SMAD5: variants seen among roughly 807,000 people sequenced by gnomAD.
SMAD5 encodes the protein MAD, mothers against decapentaplegic homolog 5.
Under a neutral mutation model 43.1 loss-of-function variants are expected in SMAD5, and 9 were observed. The ratio of observed to expected loss-of-function variants is 0.21; its 90% CI spans 0.13 to 0.36. The LOEUF is 0.36. Among genes scored for constraint, SMAD5 ranks in the 10% least tolerant of loss-of-function variants. The pLI, the probability that SMAD5 is intolerant of heterozygous loss-of-function variation, is 1.00. For synonymous variants in SMAD5, 190 were observed against 192.4 expected (o/e 0.99, Z 0.10); for missense variants, 348 against 574.0 (o/e 0.61, Z 4.02).
chr5:136,138,866 G>A (rs1752975366), intron 1 of SMAD5, among the ~76,000 whole-genome samples: 1 of 152,084 alleles, frequency 6.6e-6, no homozygotes, highest in African/African-American at 2.4e-5. Flanking sequence ...TGGTTCTAAG[G>A]AATTTGTTGA....
chr5:136,170,899 C>A (rs1167371542), intron 5 of SMAD5, among the ~76,000 whole-genome samples: 1 of 152,040 alleles, frequency 6.6e-6, no homozygotes, highest in East Asian at 1.9e-4. Context: ...GAGCAATCAA[C>A]TTTTGCTTAT....
At chr5:136,137,275 C>CCCCCG (rs200801344) in intron 1 of SMAD5, among the ~76,000 whole-genome samples, 3 of 148,978 alleles carry the variant, frequency 2.0e-5, no homozygotes, top group African/African-American at 7.5e-5. Flanking sequence ...TTGGGACCCC[C>CCCCCG]CCCCGCATCT....
chr5:136,136,568 T>C (rs1752884323), intron 1 of SMAD5, among the ~76,000 whole-genome samples: 1 of 152,212 alleles, frequency 6.6e-6, no homozygotes, highest in Admixed American at 6.5e-5. Flanking sequence ...TTTGGAAGAA[T>C]TGTTAAAAAC....
intron 2 of SMAD5, among the ~76,000 whole-genome samples, chr5:136,148,958 A>G (rs1256748988): frequency 6.6e-6 from 1 of 151,880 alleles, no homozygotes; most frequent in Non-Finnish European, 1.5e-5. Flanking sequence ...GAACTTCTGC[A>G]TATGGTATAC....
At chr5:136,169,813 A>G (rs764290374) in intron 5 of SMAD5, among the ~76,000 whole-genome samples, 7 of 152,156 alleles carry the variant, frequency 4.6e-5, no homozygotes, top group African/African-American at 7.2e-5. Flanking sequence ...TGGCCATTCT[A>G]ATAGGTGTGT....
chr5:136,169,906 A>G (rs185417210), intron 5 of SMAD5, among the ~76,000 whole-genome samples: 134 of 152,288 alleles, frequency 8.8e-4, no homozygotes, highest in Non-Finnish European at 4.0e-4. Flanking sequence ...TACTTGACCA[A>G]TCTGTGAGTC....
At chr5:136,156,190 A>C (rs1214679722) in intron 3 of SMAD5, among the ~76,000 whole-genome samples, 1 of 152,212 alleles carries the variant, frequency 6.6e-6, no homozygotes, top group African/African-American at 2.4e-5. Context: ...GTTCACATTC[A>C]TGACAGCTTC....
intron 5 of SMAD5, among the ~76,000 whole-genome samples, chr5:136,171,680 C>T (rs1754224584): frequency 6.6e-6 from 1 of 152,166 alleles, no homozygotes; most frequent in Non-Finnish European, 1.5e-5. Flanking sequence ...GGAATTTTGC[C>T]TCAAGTCTCG....
chr5:136,163,218 A>C (rs1753881541), intron 4 of SMAD5, 54 bp from the exon 5 acceptor site: 7 of 1,481,696 alleles, frequency 4.7e-6, no homozygotes, highest in Non-Finnish European at 6.4e-6. Context: ...AAGCTTTTAG[A>C]GTAATAATTT....
intron 5 of SMAD5, among the ~76,000 whole-genome samples, chr5:136,167,036 A>G (rs1754041390): frequency 6.6e-6 from 1 of 152,234 alleles, no homozygotes; most frequent in South Asian, 2.1e-4. Flanking sequence ...AGTGACAAAA[A>G]GAAAATCAAA....
chr5:136,134,809 A>G (rs183648291), intron 1 of SMAD5: 4 of 152,176 alleles, frequency 2.6e-5, no homozygotes, highest in African/African-American at 7.2e-5. Flanking sequence ...AGTCTTTTTT[A>G]CATTACTGCT....
chr5:136,179,058 A>G lies in SMAD5; in HGVS notation c.*1578A>G, dbSNP rs1234401064. The G allele has an allele frequency of 2.0e-5, 3 of 152,326 alleles. No homozygotes were observed. Among genetic ancestry groups the G allele is most frequent in the African/African-American group, 7.2e-5 (3 of 41,436 alleles). The allele number at this position is 152,326 out of a possible 1,614,324, so 9.4% of individuals were successfully genotyped here. On this transcript the variant is annotated 3_prime_UTR_variant, in exon 8 of 8. Transcript: ENST00000545279. ...ACAGAGCGAGACTCTGCCTCAAAAA[A>G]CAAAACAAAACAAAACACTCACCCA...
intron 2 of SMAD5, among the ~76,000 whole-genome samples, chr5:136,151,659 C>G (rs1753467474): frequency 6.6e-6 from 1 of 152,044 alleles, no homozygotes; most frequent in South Asian, 2.1e-4. Context: ...AACTGTCTCT[C>G]TGTTGCTCAT....
chr5:136,177,168 C>A (rs1157315169), intron 7 of SMAD5, among the ~76,000 whole-genome samples, 169 bp from the exon 8 acceptor site: 1 of 152,078 alleles, frequency 6.6e-6, no homozygotes, highest in African/African-American at 2.4e-5. Context: ...TAGCTGTTGT[C>A]TTTTAATTTC....
At chr5:136,174,065 TG>T (rs1420218045) in intron 6 of SMAD5, among the ~76,000 whole-genome samples, 1 of 151,856 alleles carries the variant, frequency 6.6e-6, no homozygotes, top group Non-Finnish European at 1.5e-5. Flanking sequence ...AAAGATGATT[TG>T]GGGTTTTTTT....
At chr5:136,148,373 A>T (rs1753336726) in intron 2 of SMAD5, among the ~76,000 whole-genome samples, 2 of 151,664 alleles carry the variant, frequency 1.3e-5, no homozygotes, top group African/African-American at 4.8e-5. Flanking sequence ...TGTCTTGCTT[A>T]CTGATTACTG....
At position 136,182,225 on chromosome 5, in the gene SMAD5, T is replaced by G. The variant is rs1447198194; in HGVS notation, c.*4745T>G. ...CCAGTAAGGCCAAAGAATCCCAAGTTCTTTGTGGAAAAAAAAAAAAAATCT... is the reference window on the plus strand; with the variant it reads ...CCAGTAAGGCCAAAGAATCCCAAGTGCTTTGTGGAAAAAAAAAAAAAATCT... On this transcript the variant is annotated 3_prime_UTR_variant, in exon 8 of 8. Coordinates refer to ENST00000545279, the MANE Select transcript of SMAD5 (RefSeq NM_005903.7). The G allele has an allele frequency of 7.2e-6, 1 of 138,030 alleles. No homozygotes were observed. The highest frequency in any genetic ancestry group is 7.0e-5 in the Admixed American group (1 of 14,262). The allele number at this position is 138,030 out of a possible 1,614,324, so 8.6% of individuals were successfully genotyped here.
At chr5:136,148,937 T>C (rs1341980544) in intron 2 of SMAD5, among the ~76,000 whole-genome samples, 2 of 151,824 alleles carry the variant, frequency 1.3e-5, no homozygotes, top group East Asian at 3.9e-4. Flanking sequence ...AATTAAAGTG[T>C]GTAGCTTAAT....
intron 6 of SMAD5, among the ~76,000 whole-genome samples, chr5:136,173,782 A>G (rs951236475): frequency 5.9e-5 from 9 of 151,648 alleles, no homozygotes; most frequent in Non-Finnish European, 1.0e-4. Context: ...TTAATGTTAA[A>G]ACTATTTCCA....
Sources: allele counts gnomAD v4.1 joint callset (sites outside exome capture counted in the v4.1 genomes callset), GRCh38; gene constraint gnomAD v4.1.1; transcripts MANE v1.5; gene names NCBI Gene and HGNC (gene_info 2026-07-23, HGNC 2026-07-21).